Variants in KLHL20 observed in about 807,000 individuals in gnomAD.
The protein encoded by KLHL20 is kelch-like protein 20.
Under a neutral mutation model 69.5 loss-of-function variants are expected in KLHL20, and 29 were observed. The ratio of observed to expected loss-of-function variants is 0.42; its 90% CI spans 0.31 to 0.57. The LOEUF is 0.57. Ranked by LOEUF, KLHL20 falls within the 20% of genes least tolerant of loss-of-function variation. KLHL20 has a pLI of 0.18. For missense variants in KLHL20, 419 were observed against 776.0 expected, an observed-to-expected ratio of 0.54 and a Z score of 5.47; for synonymous variants, 253 against 265.2, an observed-to-expected ratio of 0.95 and a Z score of 0.45.
intron 4 of KLHL20, 59 bp from the exon 5 acceptor site, chr1:173,753,154 C>T (rs1673386897): frequency 7.3e-7 from 1 of 1,372,750 alleles, no homozygotes; most frequent in Non-Finnish European, 1.0e-6. Flanking sequence ...GCCTAGGCAA[C>T]AGAGTAAGAC....
At chr1:173,770,349 A>C (rs1430858922) in intron 8 of KLHL20, among the ~76,000 whole-genome samples, 5 of 152,188 alleles carry the variant, frequency 3.3e-5, no homozygotes, top group African/African-American at 1.2e-4. Context: ...AATAAGCAAA[A>C]CAGATAATGC....
intron 8 of KLHL20, among the ~76,000 whole-genome samples, chr1:173,768,380 A>G (rs1403487762): frequency 2.0e-5 from 3 of 152,230 alleles, no homozygotes; most frequent in Non-Finnish European, 4.4e-5. Flanking sequence ...TCTTAAAAAG[A>G]AATGAGTCAT....
At chr1:173,729,967 ACC>A (rs1280279801) in intron 2 of KLHL20, among the ~76,000 whole-genome samples, 1 of 152,090 alleles carries the variant, frequency 6.6e-6, no homozygotes, top group Admixed American at 6.5e-5. Context: ...TGTCTAGAAA[ACC>A]CCATCATCTC....
At position 173,771,796 on chromosome 1, in the gene KLHL20, G is replaced by A. The variant is rs576818738; in HGVS notation, c.1296-2509G>A. Among the ~76,000 whole-genome samples, 10 of 152,208 alleles carry A rather than the reference G, an allele frequency of 6.6e-5. No homozygotes were observed. The East Asian group carries it at 1.5e-3, about 24-fold the overall frequency. ...ATAAAAATAAAAGGGAGAGAGTGTA[G>A]CATGCTCTAGCTATGTACTCAATCC... On this transcript the variant is annotated intron_variant, in intron 8 of 11. Transcript: ENST00000209884.
chr1:173,726,416 C>T (rs1193933266), intron 2 of KLHL20, among the ~76,000 whole-genome samples: 3 of 152,098 alleles, frequency 2.0e-5, no homozygotes, highest in Admixed American at 6.5e-5. Flanking sequence ...TCTCCCAGCA[C>T]GCAGCTTGAG....
intron 3 of KLHL20, among the ~76,000 whole-genome samples, chr1:173,738,137 C>T (rs765977871): frequency 4.1e-4 from 62 of 152,170 alleles, no homozygotes; most frequent in Middle Eastern, 6.8e-3. Context: ...TCTAGGTATA[C>T]AATCATATTG....
At chr1:173,777,959 T>C (rs1307947285) in intron 10 of KLHL20, among the ~76,000 whole-genome samples, 1 of 152,240 alleles carries the variant, frequency 6.6e-6, no homozygotes, top group African/African-American at 2.4e-5. Flanking sequence ...TCTTCCTCTA[T>C]GTTTGGAGTA....
At chr1:173,730,336 CAATGACTTTCT>C (rs1380316101) in intron 2 of KLHL20, among the ~76,000 whole-genome samples, 1 of 151,944 alleles carries the variant, frequency 6.6e-6, no homozygotes, top group Admixed American at 6.6e-5. Flanking sequence ...ATCAAGCTAC[CAATGACTTTCT>C]TCACAGAATT....
chr1:173,718,445 T>A (rs1671558986), intron 2 of KLHL20, among the ~76,000 whole-genome samples: 1 of 151,516 alleles, frequency 6.6e-6, no homozygotes, highest in South Asian at 2.1e-4. Context: ...CTCAGGAGGC[T>A]GAGGTGAGAG....
At chr1:173,743,393 A>T (rs967239641) in intron 3 of KLHL20, among the ~76,000 whole-genome samples, 1 of 151,986 alleles carries the variant, frequency 6.6e-6, no homozygotes, top group Non-Finnish European at 1.5e-5. Flanking sequence ...GAATATTTTT[A>T]TCTGGGTAAT....
At chr1:173,777,288 T>C (rs1259437537) in intron 10 of KLHL20, among the ~76,000 whole-genome samples, 1 of 152,248 alleles carries the variant, frequency 6.6e-6, no homozygotes, top group Non-Finnish European at 1.5e-5. Flanking sequence ...TGAATTTGTT[T>C]ATCTGTTCTA....
chr1:173,727,035 C>T (rs1001665311), intron 2 of KLHL20, among the ~76,000 whole-genome samples: 15 of 152,028 alleles, frequency 9.9e-5, no homozygotes, highest in Admixed American at 2.0e-4. Flanking sequence ...ACAATAACCA[C>T]GCAGAGAAGT....
intron 10 of KLHL20, among the ~76,000 whole-genome samples, chr1:173,780,891 A>G (rs1379313159): frequency 6.6e-6 from 1 of 151,382 alleles, no homozygotes; most frequent in Non-Finnish European, 1.5e-5. Context: ...CACCATGCCC[A>G]GCTGTTTTTT....
chr1:173,775,554 A>G, intron 9 of KLHL20, 80 bp from the exon 10 acceptor site: 1 of 1,155,646 alleles, frequency 8.7e-7, no homozygotes, highest in Non-Finnish European at 1.3e-6. Context: ...GTTATCACAA[A>G]GTATCAGTGG....
Position 173,718,833 on chromosome 1 carries a change from G to A in KLHL20, c.23+2767G>A, listed in dbSNP as rs137934444. On this transcript the variant is annotated intron_variant, in intron 2 of 11. Coordinates refer to ENST00000209884, the MANE Select transcript of KLHL20 (RefSeq NM_014458.4). ...GAAAAATTATTTTGTGGCTGGGTGC[G>A]GTGGCTCACGCCTGTAATCCCAGCA... Among the ~76,000 whole-genome samples the A allele has an allele frequency of 6.9e-4, 105 of 152,064 alleles. 1 individual carries two copies. The East Asian group carries it at 0.018, about 26-fold the overall frequency.
chr1:173,756,152 A>G, intron 6 of KLHL20, 114 bp downstream of exon 6: 1 of 723,516 alleles, frequency 1.4e-6, no homozygotes, highest in Non-Finnish European at 2.4e-6. Context: ...ACAAATAATA[A>G]GTCAGCATAT....
Position 173,775,110 on chromosome 1 carries a change from C to G in KLHL20, c.1430-524C>G, listed in dbSNP as rs139964550. On this transcript the variant is annotated intron_variant, in intron 9 of 11. Transcript: ENST00000209884. ...ATAAGTGTGAGCCACTGCACCTGGC[C>G]TGGTTTGTTATTCCTTTCTATTTAG... Among the ~76,000 whole-genome samples, 8 of 152,234 alleles carry G rather than the reference C, an allele frequency of 5.3e-5. No homozygotes were observed. In the East Asian group the frequency reaches 1.5e-3, roughly 29 times the overall value.
intron 8 of KLHL20, among the ~76,000 whole-genome samples, chr1:173,769,488 T>G (rs1013427272): frequency 1.3e-5 from 2 of 151,994 alleles, no homozygotes; most frequent in Non-Finnish European, 2.9e-5. Flanking sequence ...AGGCAGTGAA[T>G]AAAGTCAATA....
chr1:173,753,830 TAAC>T (rs914692322), intron 5 of KLHL20, among the ~76,000 whole-genome samples: 1 of 152,166 alleles, frequency 6.6e-6, no homozygotes, highest in African/African-American at 2.4e-5. Context: ...AAGAAACTCT[TAAC>T]TACTTTTTCA....
Sources: gnomAD v4.1 joint callset for allele counts (sites outside exome capture counted in the v4.1 genomes callset) on GRCh38, gnomAD v4.1.1 for gene constraint, MANE v1.5 for transcripts, NCBI Gene and HGNC (gene_info 2026-07-23, HGNC 2026-07-21) for gene names.